ST8SIA6: variants seen among roughly 807,000 people sequenced by gnomAD.
ST8SIA6 encodes ST8 alpha-N-acetyl-neuraminide alpha-2,8-sialyltransferase 6.
Under a neutral mutation model 33.6 loss-of-function variants are expected in ST8SIA6, and 39 were observed. The ratio of observed to expected loss-of-function variants is 1.16; its 90% CI spans 0.90 to 1.52. The LOEUF (loss-of-function observed/expected upper bound fraction) is 1.52, where lower values mean the gene tolerates loss of function less well. Ranked by LOEUF, ST8SIA6 falls within the 40% of genes most tolerant of loss-of-function variation. The pLI is 0.00. For synonymous variants in ST8SIA6, 172 were observed against 167.2 expected (o/e 1.03, Z -0.22); for missense variants, 441 against 443.8 (o/e 0.99, Z 0.06).
At chr10:17,367,871 CAT>C (rs1401948292) in intron 3 of ST8SIA6, among the ~76,000 whole-genome samples, 5 of 152,216 alleles carry the variant, frequency 3.3e-5, no homozygotes, top group East Asian at 1.9e-4. Flanking sequence ...ATTCTTAAAC[CAT>C]ATATGAGTGG....
chr10:17,411,881 A>G lies in ST8SIA6; in HGVS notation c.201-21261T>C, dbSNP rs114671276. Among the ~76,000 whole-genome samples, 1,242 of 152,176 alleles carry G rather than the reference A, an allele frequency of 8.2e-3. 21 individuals carry two copies. Among genetic ancestry groups the G allele is most frequent in the African/African-American group, 0.029 (1,192 of 41,492 alleles). On this transcript the variant is annotated intron_variant, in intron 2 of 7. Transcript: ENST00000377602. ...AGTTTTTAATGTTTCACACTTCATG[A>G]TGAACATATATTTGCATTTCAGAAA...
intron 2 of ST8SIA6, among the ~76,000 whole-genome samples, chr10:17,430,366 T>A (rs1313953868): frequency 6.6e-6 from 1 of 151,944 alleles, no homozygotes. Context: ...CGTGTGTGCA[T>A]GTGTATTTTT....
intron 3 of ST8SIA6, among the ~76,000 whole-genome samples, chr10:17,387,544 G>A (rs891036729): frequency 2.0e-5 from 3 of 151,954 alleles, no homozygotes; most frequent in Admixed American, 6.6e-5. Flanking sequence ...TAGGATTACA[G>A]GTGTGAGCCA....
intron 4 of ST8SIA6, among the ~76,000 whole-genome samples, chr10:17,341,590 A>G (rs1000035308): frequency 6.6e-6 from 1 of 152,066 alleles, no homozygotes; most frequent in South Asian, 2.1e-4. Context: ...TGGAGCTCTG[A>G]TGAATGTGAG....
At chr10:17,400,108 G>C (rs1850981747) in intron 2 of ST8SIA6, among the ~76,000 whole-genome samples, 1 of 152,136 alleles carries the variant, frequency 6.6e-6, no homozygotes, top group Non-Finnish European at 1.5e-5. Context: ...GGCAGGGTGA[G>C]TCATTAGGAC....
At chr10:17,323,327 A>G (rs1051930585) in intron 6 of ST8SIA6, among the ~76,000 whole-genome samples, 170 bp from the exon 7 acceptor site, 1 of 151,026 alleles carries the variant, frequency 6.6e-6, no homozygotes, top group Admixed American at 6.6e-5. Flanking sequence ...TTTCTATTTT[A>G]AATTATTTAC....
At chr10:17,375,988 T>C (rs1449599763) in intron 3 of ST8SIA6, among the ~76,000 whole-genome samples, 1 of 152,200 alleles carries the variant, frequency 6.6e-6, no homozygotes, top group East Asian at 1.9e-4. Context: ...CACTGATTGG[T>C]GCTCCCTTTC....
intron 4 of ST8SIA6, among the ~76,000 whole-genome samples, chr10:17,356,502 G>A (rs1849196142): frequency 6.6e-6 from 1 of 151,702 alleles, no homozygotes; most frequent in Admixed American, 6.6e-5. Flanking sequence ...TCCCGCCTCA[G>A]TGATTCTTCT....
intron 3 of ST8SIA6, among the ~76,000 whole-genome samples, chr10:17,376,733 G>T (rs1233411527): frequency 6.6e-6 from 1 of 152,016 alleles, no homozygotes; most frequent in African/African-American, 2.4e-5. Context: ...TGATAAGATG[G>T]CTATAAAGCA....
At chr10:17,402,070 A>T (rs192527722) in intron 2 of ST8SIA6, among the ~76,000 whole-genome samples, 4,902 of 152,168 alleles carry the variant, frequency 0.032, 80 homozygotes, top group South Asian at 0.055. Flanking sequence ...TACAAAGAAC[A>T]CAAACAAATT....
chr10:17,337,361 G>C (rs140262897), intron 4 of ST8SIA6, among the ~76,000 whole-genome samples: 1 of 152,280 alleles, frequency 6.6e-6, no homozygotes, highest in East Asian at 1.9e-4. Context: ...GCAGCAGACT[G>C]TTCTTTATTC....
At chr10:17,440,668 C>T (rs1564466333) in intron 2 of ST8SIA6, among the ~76,000 whole-genome samples, 1 of 152,190 alleles carries the variant, frequency 6.6e-6, no homozygotes. Context: ...TACCCCAGGA[C>T]TTCCTGCCTA....
rs1408121711 is a variant in ST8SIA6 at position 17,420,975 on chromosome 10, T to TGAGAACAGAACAC, written c.201-30368_201-30356dup. 3.4e-4 allele frequency among the ~76,000 whole-genome samples: 52 copies of TGAGAACAGAACAC among 152,168 alleles called. No individual in the cohort carries two copies. The East Asian group carries it at 5.2e-3, about 15-fold the overall frequency. ...ATCAGATCTCATGAGAACTCAGTCA[T>TGAGAACAGAACAC]GAGAACAGAACACGAGAACAGCAAG... On this transcript the variant is annotated intron_variant, in intron 2 of 7. Transcript: ENST00000377602.
At chr10:17,370,629 T>C (rs1023328096) in intron 3 of ST8SIA6, among the ~76,000 whole-genome samples, 2 of 152,136 alleles carry the variant, frequency 1.3e-5, no homozygotes, top group Non-Finnish European at 2.9e-5. Flanking sequence ...TTAATTATGA[T>C]ATTATTATTA....
chr10:17,356,857 G>A (rs1849207659), intron 4 of ST8SIA6, among the ~76,000 whole-genome samples: 1 of 152,090 alleles, frequency 6.6e-6, no homozygotes, highest in Admixed American at 6.6e-5. Context: ...ATCTGCAGCA[G>A]TGACTTTCAT....
intron 2 of ST8SIA6, among the ~76,000 whole-genome samples, chr10:17,397,506 A>C (rs971105221): frequency 6.6e-6 from 1 of 152,124 alleles, no homozygotes; most frequent in African/African-American, 2.4e-5. Context: ...AAGTGCTGGG[A>C]TTACAGGCGT....
chr10:17,454,182 C>T lies in ST8SIA6; in HGVS notation c.74G>A (p.Cys25Tyr). The T allele has an allele frequency of 3.5e-6, 1 of 284,564 alleles. No homozygotes were observed. Among genetic ancestry groups the T allele is most frequent in the South Asian group, 1.3e-4 (1 of 7,602 alleles). The allele number at this position is 284,564 out of a possible 1,614,324, so 17.6% of individuals were successfully genotyped here. A position where few individuals can be genotyped will look rare whatever the true frequency, so the allele number is the denominator to read the frequency against. Residue 25 changes from cysteine to tyrosine, a missense_variant, in exon 1 of 8, where the codon TGC (cysteine) becomes TAC (tyrosine). Coordinates refer to ENST00000377602, the MANE Select transcript of ST8SIA6 (RefSeq NM_001004470.3). The surrounding 1 kb of genome is among the most constrained non-coding windows in gnomAD (Gnocchi z 4.1). ...GGCGCGGCCGGGCGCGTCTGCCGGGCACCAGAGCAGGCGCAGCAGCAGCAG... is the reference window on the plus strand; with the variant it reads ...GGCGCGGCCGGGCGCGTCTGCCGGGTACCAGAGCAGGCGCAGCAGCAGCAG... ...LLLLLLRLLW[C>Y]PADAPGRARI...
intron 3 of ST8SIA6, among the ~76,000 whole-genome samples, chr10:17,384,139 C>T (rs1850255461): frequency 6.6e-6 from 1 of 152,174 alleles, no homozygotes; most frequent in Non-Finnish European, 1.5e-5. Flanking sequence ...CAATAAAGCC[C>T]TTGGAAAAAC....
intron 5 of ST8SIA6, 84 bp from the exon 6 acceptor site, chr10:17,327,210 CTT>C (rs1759985411): frequency 3.0e-6 from 3 of 989,352 alleles, no homozygotes; most frequent in Non-Finnish European, 3.0e-6. Context: ...TAACTTAACT[CTT>C]TATACATGCT....
Sources: allele counts gnomAD v4.1 joint callset (sites outside exome capture counted in the v4.1 genomes callset), GRCh38; gene constraint gnomAD v4.1.1; non-coding constraint Gnocchi (gnomAD v3.1); transcripts MANE v1.5; gene names NCBI Gene and HGNC (gene_info 2026-07-23, HGNC 2026-07-21).